The following PIK3CB variants were observed in gnomAD, a reference collection of about 807,000 sequenced individuals.
PIK3CB encodes the protein phosphatidylinositol 4,5-bisphosphate 3-kinase catalytic subunit beta isoform.
In PIK3CB, 39 loss-of-function variants were observed where a neutral mutation model predicts 136.8. The observed-to-expected ratio is 0.29, with a 90% CI of 0.22 to 0.37. PIK3CB has a LOEUF of 0.37. Ranked by LOEUF, PIK3CB falls within the 10% of genes least tolerant of loss-of-function variation. PIK3CB has a pLI of 1.00. For missense variants in PIK3CB, 868 were observed against 1,275.4 expected (o/e 0.68, Z 4.87); for synonymous variants, 428 against 436.6 (o/e 0.98, Z 0.25).
intron 1 of PIK3CB, among the ~76,000 whole-genome samples, chr3:138,818,585 C>G (rs550733431): frequency 6.6e-6 from 1 of 152,156 alleles, no homozygotes; most frequent in Non-Finnish European, 1.5e-5. Flanking sequence ...CAAGGTGCTG[C>G]ATGGACTCTA....
chr3:138,744,669 TGTTTGCTTTA>T (rs879599976), intron 4 of PIK3CB, among the ~76,000 whole-genome samples: 4 of 152,162 alleles, frequency 2.6e-5, no homozygotes, highest in Non-Finnish European at 5.9e-5. Flanking sequence ...ATCCTACCAC[TGTTTGCTTTA>T]GTTTCAGTGC....
chr3:138,794,016 G>A (rs532097750), intron 2 of PIK3CB, among the ~76,000 whole-genome samples: 10 of 152,312 alleles, frequency 6.6e-5, no homozygotes, highest in African/African-American at 1.9e-4. Context: ...AGGCTGGAAT[G>A]CAATGCCGCG....
chr3:138,754,953 T>C (rs1012847405), intron 4 of PIK3CB, among the ~76,000 whole-genome samples: 2 of 152,144 alleles, frequency 1.3e-5, no homozygotes, highest in African/African-American at 2.4e-5. Context: ...TAAAGCAAGA[T>C]ATTGATAAAA....
chr3:138,655,271 G>T lies in PIK3CB; in HGVS notation c.*118C>A. On this transcript the variant is annotated 3_prime_UTR_variant, in exon 24 of 24. Coordinates refer to ENST00000674063, the MANE Select transcript of PIK3CB (RefSeq NM_006219.3). The stretch of plus-strand genomic sequence containing the variant: ...GATGCCTTGTTCTTAATTTAACTCT[G>T]AGTTCCAGGATTTCATTCCCTTTAT... The T allele has an allele frequency of 2.0e-6, 2 of 988,210 alleles. No homozygotes were observed. The highest frequency in any genetic ancestry group is 1.5e-6 in the Non-Finnish European group (1 of 657,648). The allele number at this position is 988,210 out of a possible 1,614,324, so 61.2% of individuals were successfully genotyped here.
intron 12 of PIK3CB, among the ~76,000 whole-genome samples, chr3:138,699,851 T>C (rs540669497): frequency 1.6e-4 from 24 of 152,020 alleles, no homozygotes; most frequent in Non-Finnish European, 1.9e-4. Flanking sequence ...ACCCCTGCAT[T>C]CTCCAAGGAG....
At chr3:138,692,325 T>C (rs1185386382) in intron 14 of PIK3CB, among the ~76,000 whole-genome samples, 2 of 152,132 alleles carry the variant, frequency 1.3e-5, no homozygotes, top group Non-Finnish European at 2.9e-5. Flanking sequence ...AATTTCACAA[T>C]AGAAAAACCA....
In PIK3CB at chr3:138,756,073, T is replaced by C. The variant is rs530847036; in HGVS notation, c.172-94A>G. 13 of 532,594 alleles carry C rather than the reference T, an allele frequency of 2.4e-5. No homozygotes were observed. In the East Asian group the frequency reaches 3.6e-4, roughly 15 times the overall value. The allele number at this position is 532,594 out of a possible 1,614,324, so 33.0% of individuals were successfully genotyped here. A position where few individuals can be genotyped will look rare whatever the true frequency, so the allele number is the denominator to read the frequency against. The stretch of plus-strand genomic sequence containing the variant: ...CTCACTGCAGCACTGTTTGTAAAAA[T>C]AAAAAACTATGAACAAATCAAATGT... On this transcript the variant is annotated intron_variant, in intron 3 of 23. Coordinates refer to ENST00000674063, the MANE Select transcript of PIK3CB (RefSeq NM_006219.3).
At chr3:138,805,754 A>G (rs892929536) in intron 1 of PIK3CB, among the ~76,000 whole-genome samples, 12 of 151,274 alleles carry the variant, frequency 7.9e-5, no homozygotes, top group African/African-American at 2.7e-4. Context: ...GTTTTTTGAG[A>G]GAGTCTCGCT....
chr3:138,818,484 T>C (rs1933426717), intron 1 of PIK3CB, among the ~76,000 whole-genome samples: 1 of 152,200 alleles, frequency 6.6e-6, no homozygotes, highest in South Asian at 2.1e-4. Flanking sequence ...ATTTCAGCTA[T>C]AAATTCCACT....
intron 2 of PIK3CB, among the ~76,000 whole-genome samples, chr3:138,784,420 C>T (rs1351619790): frequency 6.6e-6 from 1 of 151,938 alleles, no homozygotes; most frequent in East Asian, 1.9e-4. Context: ...CTCCCCCTCC[C>T]CCTCTCCCTC....
Position 138,755,878 on chromosome 3 carries a change from C to T in PIK3CB, c.273G>A (p.Glu91=), listed in dbSNP as rs1157258702. Reference sequence around the variant, plus strand: ...AGAGTCTTCGTGTTTCATCTTCAAGCTCCTCATATACAGCAGTCTGATTCA... The same window carrying T: ...AGAGTCTTCGTGTTTCATCTTCAAGTTCCTCATATACAGCAGTCTGATTCA... ...ACVNQTAVYE[E]LEDETRRLCD... is the part of the protein sequence containing the mutation. Residue 91 remains glutamate (E), a synonymous_variant, in exon 4 of 24, where the codon GAG becomes GAA. Coordinates refer to ENST00000674063, the MANE Select transcript of PIK3CB (RefSeq NM_006219.3). The T allele has an allele frequency of 6.2e-6, 10 of 1,611,460 alleles. No homozygotes were observed. Among genetic ancestry groups the T allele is most frequent in the Non-Finnish European group, 8.5e-6 (10 of 1,177,858 alleles).
At chr3:138,740,836 G>A (rs747117600) in intron 5 of PIK3CB, among the ~76,000 whole-genome samples, 2 of 151,956 alleles carry the variant, frequency 1.3e-5, no homozygotes, top group South Asian at 4.1e-4. Context: ...TACAGATGGG[G>A]TTTCACCATG....
chr3:138,757,883 C>A (rs1284841008), intron 3 of PIK3CB, among the ~76,000 whole-genome samples: 1 of 152,206 alleles, frequency 6.6e-6, no homozygotes, highest in African/African-American at 2.4e-5. Flanking sequence ...GGAATTACCA[C>A]TGTGAACCAA....
chr3:138,683,379 A>G (rs1433404088), intron 18 of PIK3CB, among the ~76,000 whole-genome samples: 2 of 151,888 alleles, frequency 1.3e-5, no homozygotes, highest in East Asian at 3.9e-4. Context: ...AGTAAAAATA[A>G]TATCTTGTAT....
intron 2 of PIK3CB, among the ~76,000 whole-genome samples, chr3:138,789,893 G>T (rs1357866836): frequency 5.9e-5 from 9 of 152,214 alleles, no homozygotes; most frequent in Admixed American, 5.9e-4. Context: ...GTTTCACCAT[G>T]TTGGCCAGGC....
intron 4 of PIK3CB, among the ~76,000 whole-genome samples, chr3:138,745,084 T>A (rs888865121): frequency 6.6e-6 from 1 of 152,224 alleles, no homozygotes; most frequent in Non-Finnish European, 1.5e-5. Context: ...CTTTCACAAC[T>A]TTTTCTATAT....
chr3:138,808,373 G>T (rs920598616), intron 1 of PIK3CB, among the ~76,000 whole-genome samples: 1 of 152,094 alleles, frequency 6.6e-6, no homozygotes, highest in Non-Finnish European at 1.5e-5. Context: ...GCATACACCT[G>T]TAACCTCAGC....
intron 1 of PIK3CB, among the ~76,000 whole-genome samples, chr3:138,828,224 C>A (rs1339892310): frequency 6.0e-5 from 8 of 133,346 alleles, no homozygotes; most frequent in African/African-American, 8.5e-5. Flanking sequence ...CTCGCTCTAT[C>A]GCCCAGGCTG....
At position 138,732,784 on chromosome 3, in the gene PIK3CB, G is replaced by A. The variant is rs1343542052; in HGVS notation, c.1050+577C>T. 2.6e-5 allele frequency among the ~76,000 whole-genome samples: 4 copies of A among 151,060 alleles called. No individual in the cohort carries two copies. In the East Asian group the frequency reaches 7.7e-4, roughly 29 times the overall value. ...GCAGCTCTAGGCAAGGCTGAGAGAG[G>A]AGAGTAAGCTTGCATAAAAACATGA... On this transcript the variant is annotated intron_variant, in intron 8 of 23. Coordinates refer to ENST00000674063, the MANE Select transcript of PIK3CB (RefSeq NM_006219.3).
Sources: allele counts gnomAD v4.1 joint callset (sites outside exome capture counted in the v4.1 genomes callset), GRCh38; gene constraint gnomAD v4.1.1; transcripts MANE v1.5; gene names NCBI Gene and HGNC (gene_info 2026-07-23, HGNC 2026-07-21).